DDX19B: variants seen among roughly 807,000 people sequenced by gnomAD.
DDX19B encodes ATP-dependent RNA helicase DDX19B.
DDX19B carries 27 observed loss-of-function variants against 58.1 expected under a neutral mutation model. The observed-to-expected ratio is 0.46, with a 90% confidence interval of 0.34 to 0.64. The LOEUF (loss-of-function observed/expected upper bound fraction) is 0.64. Among genes scored for constraint, DDX19B ranks in the 30% least tolerant of loss-of-function variants. The pLI, the probability that DDX19B is intolerant of heterozygous loss-of-function variation, is 0.01. For synonymous variants in DDX19B, 187 were observed against 214.4 expected (o/e 0.87, Z 1.12); for missense variants, 399 against 596.5 (o/e 0.67, Z 3.45).
At chr16:70,326,258 C>G (rs902509464) in intron 7 of DDX19B, among the ~76,000 whole-genome samples, 4 of 152,110 alleles carry the variant, frequency 2.6e-5, no homozygotes, top group Non-Finnish European at 5.9e-5. Flanking sequence ...CAGCAGATCA[C>G]GAGATCAGGA....
At chr16:70,331,513 C>T (rs1963476468) in intron 9 of DDX19B, among the ~76,000 whole-genome samples, 1 of 152,112 alleles carries the variant, frequency 6.6e-6, no homozygotes, top group Non-Finnish European at 1.5e-5. Context: ...CCATGTTGTG[C>T]AGGCCAGCCT....
intron 1 of DDX19B, among the ~76,000 whole-genome samples, chr16:70,299,916 T>A (rs1269722371): frequency 6.6e-6 from 1 of 152,172 alleles, no homozygotes; most frequent in African/African-American, 2.4e-5. Flanking sequence ...GCAAATCCTT[T>A]CCTCATCGGC....
intron 5 of DDX19B, among the ~76,000 whole-genome samples, chr16:70,321,576 A>G (rs1363325683): frequency 6.6e-6 from 1 of 152,198 alleles, no homozygotes. Flanking sequence ...ACGCAGACCA[A>G]AATTCCTGCC....
At chr16:70,312,793 T>C in intron 2 of DDX19B, 136 bp downstream of exon 2, 1 of 668,778 alleles carries the variant, frequency 1.5e-6, no homozygotes, top group South Asian at 1.9e-5. Context: ...ATTTGATTTG[T>C]AAATCAACAA....
intron 5 of DDX19B, among the ~76,000 whole-genome samples, chr16:70,320,478 C>T (rs956175079): frequency 2.6e-5 from 4 of 151,716 alleles, no homozygotes; most frequent in Non-Finnish European, 4.4e-5. Context: ...GTAAGCAATC[C>T]TCCCACCTCG....
upstream of DDX19B, among the ~76,000 whole-genome samples, chr16:70,294,177 G>A (rs1020277843): frequency 5.5e-5 from 8 of 146,578 alleles, no homozygotes; most frequent in African/African-American, 2.0e-4. Context: ...CGCCTCCCGG[G>A]TTCACGCCAT....
intron 1 of DDX19B, among the ~76,000 whole-genome samples, chr16:70,310,691 C>A (rs1962035559): frequency 6.6e-6 from 1 of 152,140 alleles, no homozygotes; most frequent in Non-Finnish European, 1.5e-5. Flanking sequence ...TCTATCTAAT[C>A]CCTGTGCTGG....
chr16:70,320,856 C>G (rs534438122), intron 5 of DDX19B, among the ~76,000 whole-genome samples: 38 of 151,370 alleles, frequency 2.5e-4, no homozygotes, highest in African/African-American at 8.7e-4. Flanking sequence ...CGTGCCCGGC[C>G]TAATTTTTAT....
chr16:70,300,766 G>A, intron 1 of DDX19B, among the ~76,000 whole-genome samples: 1 of 152,224 alleles, frequency 6.6e-6, no homozygotes, highest in East Asian at 1.9e-4. Flanking sequence ...CTGGGCTCAA[G>A]CCATCCTCCC....
chr16:70,319,305 T>TA, intron 5 of DDX19B, among the ~76,000 whole-genome samples: 1 of 152,276 alleles, frequency 6.6e-6, no homozygotes, highest in South Asian at 2.1e-4. Context: ...ATACAGTTAC[T>TA]AAGGTGGTTT....
At chr16:70,315,102 C>A in intron 3 of DDX19B, 147 bp downstream of exon 3, 1 of 774,414 alleles carries the variant, frequency 1.3e-6, no homozygotes, top group Non-Finnish European at 2.0e-6. Flanking sequence ...AGGGGCCGGG[C>A]ACGGTGGCTT....
In DDX19B at chr16:70,312,025, A is replaced by G. The variant is rs537227078; in HGVS notation, c.58-584A>G. Among the ~76,000 whole-genome samples, 3 of 152,098 alleles carry G rather than the reference A, an allele frequency of 2.0e-5. No individual in the cohort carries two copies. In the South Asian group the frequency reaches 6.2e-4, roughly 32 times the overall value. Reference sequence around the variant, plus strand: ...CCCAGCTAATTTTTGTATTTTTGGTAGAGACGGGGTTTCACCATGTTGGCC... The same window carrying G: ...CCCAGCTAATTTTTGTATTTTTGGTGGAGACGGGGTTTCACCATGTTGGCC... On this transcript the variant is annotated intron_variant, in intron 1 of 11. Transcript: ENST00000288071.
intron 1 of DDX19B, among the ~76,000 whole-genome samples, chr16:70,302,804 G>A (rs1202892003): frequency 6.6e-6 from 1 of 152,178 alleles, no homozygotes; most frequent in Non-Finnish European, 1.5e-5. Context: ...GTTTAACTTT[G>A]TAAGTTATGT....
chr16:70,319,119 A>C (rs1962619271), intron 5 of DDX19B, among the ~76,000 whole-genome samples: 2 of 152,162 alleles, frequency 1.3e-5, no homozygotes, highest in South Asian at 2.1e-4. Flanking sequence ...AACAAACAAA[A>C]AAAGGTGACA....
At chr16:70,294,539 C>CTCA (rs1961151065), upstream of DDX19B, among the ~76,000 whole-genome samples, 1 of 152,192 alleles carries the variant, frequency 6.6e-6, no homozygotes. Flanking sequence ...ATGCTAATGG[C>CTCA]TCATGATTCA....
upstream of DDX19B, among the ~76,000 whole-genome samples, chr16:70,294,500 T>TACG (rs1263854303): frequency 7.2e-5 from 11 of 152,190 alleles, no homozygotes; most frequent in Non-Finnish European, 1.2e-4. Context: ...AGATGCAAAA[T>TACG]TTTTAAAAAG....
chr16:70,311,847 C>CT (rs914794687), intron 1 of DDX19B, among the ~76,000 whole-genome samples: 199 of 145,188 alleles, frequency 1.4e-3, no homozygotes, highest in Non-Finnish European at 1.6e-3. Context: ...CTTTTCTTTT[C>CT]TTTTTTTTTT....
chr16:70,325,005 C>T (rs1196045532), intron 6 of DDX19B, among the ~76,000 whole-genome samples: 4 of 152,104 alleles, frequency 2.6e-5, no homozygotes, highest in South Asian at 2.1e-4. Context: ...GAGCTGAGAT[C>T]GCACCATTGC....
chr16:70,330,611 C>A (rs1011817833), intron 9 of DDX19B, among the ~76,000 whole-genome samples: 31 of 152,002 alleles, frequency 2.0e-4, no homozygotes, highest in African/African-American at 7.5e-4. Context: ...AACAAACAAA[C>A]AAAAAACCAA....
Sources: gnomAD v4.1 joint callset for allele counts (sites outside exome capture counted in the v4.1 genomes callset) on GRCh38, gnomAD v4.1.1 for gene constraint, MANE v1.5 for transcripts, NCBI Gene and HGNC (gene_info 2026-07-23, HGNC 2026-07-21) for gene names.